WWOX: variants seen among roughly 807,000 people sequenced by gnomAD.
The protein encoded by WWOX is WW domain containing oxidoreductase.
In WWOX, 69 loss-of-function variants were observed where a neutral mutation model predicts 46.2. The observed-to-expected ratio is 1.49, with a 90% CI of 1.23 to 1.82. The LOEUF is 1.82. WWOX is among the 40% of genes most tolerant of loss of function. WWOX has a pLI of 0.00. For synonymous variants in WWOX, 359 were observed against 202.6 expected (o/e 1.77, Z -6.56); for missense variants, 919 against 542.6 (o/e 1.69, Z -6.89).
intron 8 of WWOX, among the ~76,000 whole-genome samples, chr16:78,870,565 C>A (rs1234686005): frequency 6.6e-6 from 1 of 151,852 alleles, no homozygotes; most frequent in Non-Finnish European, 1.5e-5. Flanking sequence ...TCCTCTTCTC[C>A]CCTTGTCTCT....
intron 8 of WWOX, among the ~76,000 whole-genome samples, chr16:79,022,743 C>T (rs950940400): frequency 1.3e-5 from 2 of 152,168 alleles, no homozygotes; most frequent in African/African-American, 4.8e-5. Flanking sequence ...CAGTGGCCCC[C>T]CACCAAGCCC....
chr16:78,766,397 C>G (rs1380750503), intron 8 of WWOX, among the ~76,000 whole-genome samples: 2 of 152,146 alleles, frequency 1.3e-5, no homozygotes, highest in East Asian at 1.9e-4. Flanking sequence ...GGCTTCAAAA[C>G]CAGCCTGGGC....
intron 5 of WWOX, among the ~76,000 whole-genome samples, chr16:78,312,399 C>T (rs149566174): frequency 0.017 from 907 of 53,516 alleles, 12 homozygotes; most frequent in African/African-American, 0.063. Context: ...TTTTTTAAGA[C>T]GGAGTTGTGC....
intron 8 of WWOX, among the ~76,000 whole-genome samples, chr16:79,059,951 G>A (rs181940989): frequency 4.3e-4 from 66 of 152,140 alleles, no homozygotes; most frequent in Admixed American, 7.2e-4. Context: ...ACACTGAGAG[G>A]TCATTCATTT....
intron 8 of WWOX, among the ~76,000 whole-genome samples, chr16:78,953,999 C>T (rs1463958497): frequency 1.3e-5 from 2 of 152,218 alleles, no homozygotes; most frequent in Non-Finnish European, 2.9e-5. Context: ...AGATGAACAA[C>T]ACGTGGTCTT....
At chr16:78,423,507 A>G (rs2083000845) in intron 6 of WWOX, among the ~76,000 whole-genome samples, 1 of 152,162 alleles carries the variant, frequency 6.6e-6, no homozygotes, top group South Asian at 2.1e-4. Context: ...TTTCACAAGT[A>G]TACAATTACT....
rs116139284 is a variant in WWOX at position 79,165,223 on chromosome 16, C to T, written c.1057-46385C>T. Among the ~76,000 whole-genome samples, 273 of 152,012 alleles carry T rather than the reference C, an allele frequency of 1.8e-3. 1 individual carries two copies. Among genetic ancestry groups the T allele is most frequent in the African/African-American group, 6.0e-3 (249 of 41,482 alleles). On this transcript the variant is annotated intron_variant, in intron 8 of 8. Transcript: ENST00000566780. ...TAGAAGTAGTTACAATGCTAGTGACCTCATATACTCATGGTAACGGCTTCC... is the reference window on the plus strand; with the variant it reads ...TAGAAGTAGTTACAATGCTAGTGACTTCATATACTCATGGTAACGGCTTCC...
chr16:78,904,484 G>T (rs1567638827), intron 8 of WWOX, among the ~76,000 whole-genome samples: 1 of 151,930 alleles, frequency 6.6e-6, no homozygotes, highest in Non-Finnish European at 1.5e-5. Flanking sequence ...TGATCTGCCT[G>T]CCCCAGCCTC....
At chr16:78,852,939 A>C (rs1473049732) in intron 8 of WWOX, among the ~76,000 whole-genome samples, 1 of 152,202 alleles carries the variant, frequency 6.6e-6, no homozygotes, top group South Asian at 2.1e-4. Context: ...TCATTAAATG[A>C]CATACTGGAG....
chr16:79,161,712 T>C lies in WWOX; in HGVS notation c.1057-49896T>C, dbSNP rs114504742. On this transcript the variant is annotated intron_variant, in intron 8 of 8. Coordinates refer to ENST00000566780, the MANE Select transcript of WWOX (RefSeq NM_016373.4). ...TTTTGTATTTTTAGTAGAGATGGGG[T>C]TTCACCATGTTGGCCAGGCTGGTCT... 9.7e-3 allele frequency among the ~76,000 whole-genome samples: 1,480 copies of C among 152,206 alleles called. 23 individuals are homozygous for C. Among genetic ancestry groups the C allele is most frequent in the African/African-American group, 0.033 (1,377 of 41,532 alleles).
intron 4 of WWOX, among the ~76,000 whole-genome samples, chr16:78,118,327 G>A (rs1009033447): frequency 6.6e-6 from 1 of 152,158 alleles, no homozygotes; most frequent in African/African-American, 2.4e-5. Flanking sequence ...GATTCTGACA[G>A]ATAAAAGGAT....
intron 4 of WWOX, among the ~76,000 whole-genome samples, chr16:78,117,034 T>C (rs116168518): frequency 1.3e-5 from 2 of 152,218 alleles, no homozygotes; most frequent in Non-Finnish European, 2.9e-5. Flanking sequence ...TCTAGTTAGA[T>C]ACATAAGTCT....
intron 5 of WWOX, among the ~76,000 whole-genome samples, chr16:78,316,275 T>C (rs970562120): frequency 2.0e-5 from 3 of 152,142 alleles, no homozygotes; most frequent in Non-Finnish European, 4.4e-5. Flanking sequence ...AGCATCCACA[T>C]GTGTGCACAG....
intron 8 of WWOX, among the ~76,000 whole-genome samples, chr16:78,941,362 G>A (rs2045847939): frequency 6.6e-6 from 1 of 152,006 alleles, no homozygotes; most frequent in Non-Finnish European, 1.5e-5. Flanking sequence ...AAGTTTCCCC[G>A]CCTTGGAAGC....
At chr16:78,266,314 A>G (rs894022940) in intron 5 of WWOX, among the ~76,000 whole-genome samples, 20 of 152,226 alleles carry the variant, frequency 1.3e-4, no homozygotes, top group African/African-American at 3.9e-4. Context: ...GATCTGAAGT[A>G]GTTTTATTGG....
intron 8 of WWOX, among the ~76,000 whole-genome samples, chr16:78,953,503 A>C (rs1204667388): frequency 1.3e-5 from 2 of 152,196 alleles, no homozygotes; most frequent in Non-Finnish European, 2.9e-5. Flanking sequence ...TTATGGCTAC[A>C]TAATGTCTTC....
chr16:78,792,237 C>G (rs778376685), intron 8 of WWOX, among the ~76,000 whole-genome samples: 1 of 152,184 alleles, frequency 6.6e-6, no homozygotes, highest in Non-Finnish European at 1.5e-5. Flanking sequence ...CTCTGCTCAT[C>G]TTTCTCACGA....
intron 8 of WWOX, among the ~76,000 whole-genome samples, chr16:78,687,231 T>G (rs1474296744): frequency 1.3e-5 from 2 of 152,212 alleles, no homozygotes; most frequent in Admixed American, 6.5e-5. Context: ...CCAAGTTGCT[T>G]TAAGTAGATA....
At chr16:78,219,714 C>T (rs373601400) in intron 5 of WWOX, among the ~76,000 whole-genome samples, 5 of 152,226 alleles carry the variant, frequency 3.3e-5, no homozygotes, top group African/African-American at 9.6e-5. Flanking sequence ...GTTACCACGA[C>T]GAATACTGAG....
Sources: gnomAD v4.1 joint callset for allele counts (sites outside exome capture counted in the v4.1 genomes callset) on GRCh38, gnomAD v4.1.1 for gene constraint, MANE v1.5 for transcripts, NCBI Gene and HGNC (gene_info 2026-07-23, HGNC 2026-07-21) for gene names.